Variants in GALNT6 observed in about 807,000 individuals in gnomAD.
GALNT6 encodes the protein GalNAc transferase 6.
In GALNT6, 51 loss-of-function variants were observed where a neutral mutation model predicts 65.9. That is an observed-to-expected ratio of 0.77 (90% CI 0.62 to 0.98). The LOEUF is 0.98. GALNT6 is among the 50% of genes least tolerant of loss of function. The pLI, the probability that GALNT6 is intolerant of heterozygous loss-of-function variation, is 0.00. For missense variants in GALNT6, 708 were observed against 803.3 expected (o/e 0.88, Z 1.43); for synonymous variants, 323 against 315.1 (o/e 1.02, Z -0.26).
At chr12:51,372,741 T>A (rs1216662366) in intron 4 of GALNT6, among the ~76,000 whole-genome samples, 1 of 152,244 alleles carries the variant, frequency 6.6e-6, no homozygotes, top group Admixed American at 6.5e-5. Flanking sequence ...TTATGTCACT[T>A]GTCTAGCTAG....
chr12:51,386,498 C>T (rs1186706496), intron 2 of GALNT6, among the ~76,000 whole-genome samples: 5 of 152,220 alleles, frequency 3.3e-5, no homozygotes, highest in Non-Finnish European at 7.3e-5. Flanking sequence ...AGAACATGCC[C>T]TAGCTTTCCA....
rs372949504 is a variant in GALNT6 at position 51,364,192 on chromosome 12, G to A, written c.978C>T (p.Ser326=). 1 of 1,614,158 alleles carries A rather than the reference G, an allele frequency of 6.2e-7. No homozygotes were observed. The highest frequency in any genetic ancestry group is 8.5e-7 in the Non-Finnish European group (1 of 1,180,018). The change falls in exon 6 of 12, where the codon AGC becomes AGT. Residue 326 remains serine (S), a synonymous_variant. Coordinates refer to ENST00000356317, the MANE Select transcript of GALNT6 (RefSeq NM_007210.4). ...RVHSRGNFDW[S]LTFGWETLPP... ...GAAGTGTTTCCCAGCCGAAGGTCAG[G>A]CTCCAGTCAAAGTTGCCTCGGCTAT...
chr12:51,384,026 C>T (rs1178142255), intron 2 of GALNT6, among the ~76,000 whole-genome samples: 2 of 152,194 alleles, frequency 1.3e-5, no homozygotes, highest in African/African-American at 2.4e-5. Context: ...TGGGCTCCCA[C>T]ACCTGGCCTC....
intron 2 of GALNT6, among the ~76,000 whole-genome samples, chr12:51,388,706 T>A (rs930916327): frequency 3.3e-5 from 5 of 152,168 alleles, no homozygotes; most frequent in African/African-American, 1.2e-4. Context: ...TCCTTCTCCT[T>A]CCCAATCCTT....
Position 51,379,526 on chromosome 12 carries a change from T to A in GALNT6, c.256A>T (p.Asn86Tyr). ...PEAQQTLFSINQSCLPGFYTP... is the reference protein window; with the variant it reads ...PEAQQTLFSIYQSCLPGFYTP... ...TAGAACCCAGGGAGGCAGGACTGGT[T>A]TATGGAGAACAGAGTCTGCTGGGCT... The change falls in exon 3 of 12, where the codon AAC becomes TAC. Residue 86 changes from asparagine (N) to tyrosine (Y), a missense_variant. By Grantham distance (143) the Asn-to-Tyr change is moderately radical (BLOSUM62 -2). Transcript: ENST00000356317. 6.2e-7 allele frequency: 1 copy of A among 1,614,128 alleles called. No homozygotes were observed.
intron 2 of GALNT6, among the ~76,000 whole-genome samples, chr12:51,390,044 G>T (rs1003391295): frequency 3.3e-5 from 5 of 151,992 alleles, no homozygotes; most frequent in Non-Finnish European, 5.9e-5. Flanking sequence ...TTACCTCTGG[G>T]TTCCTAAAGT....
At chr12:51,381,640 G>A (rs1487792526) in intron 2 of GALNT6, among the ~76,000 whole-genome samples, 1 of 152,214 alleles carries the variant, frequency 6.6e-6, no homozygotes, top group Non-Finnish European at 1.5e-5. Flanking sequence ...TAGCAGCTGT[G>A]TGACCCTTGG....
At chr12:51,379,942 G>A (rs999869214) in intron 2 of GALNT6, 58 bp from the exon 3 acceptor site, 57 of 719,650 alleles carry the variant, frequency 7.9e-5, no homozygotes, top group Admixed American at 1.5e-4. Context: ...GGAGGGAGTC[G>A]GGTGCTTGGG....
rs778385061 is a variant in GALNT6 at position 51,355,795 on chromosome 12, C to T, written c.1755+11G>A. ...AGTTCTTGATTCTGAGCTTTCTGGA[C>T]ACTGACTCACCTGGGCCAATTCCCA... On this transcript the variant is annotated intron_variant, in intron 11 of 11. Transcript: ENST00000356317. The T allele has an allele frequency of 6.2e-7, 1 of 1,611,168 alleles. No individual in the cohort carries two copies. The highest frequency in any genetic ancestry group is 8.5e-7 in the Non-Finnish European group (1 of 1,178,722).
chr12:51,357,511 T>C (rs1946787313), intron 9 of GALNT6, 61 bp from the exon 10 acceptor site: 1 of 1,285,482 alleles, frequency 7.8e-7, no homozygotes, highest in Non-Finnish European at 1.1e-6. Context: ...TCCTCATGTG[T>C]GGTATGGGGC....
At chr12:51,375,683 G>A (rs895368929) in intron 4 of GALNT6, among the ~76,000 whole-genome samples, 3 of 151,326 alleles carry the variant, frequency 2.0e-5, no homozygotes, top group Non-Finnish European at 2.9e-5. Context: ...TCAGCCTCCC[G>A]AGTAGTTGGG....
At position 51,359,276 on chromosome 12, in the gene GALNT6, C is replaced by G; in HGVS notation, c.1224G>C (p.Val408=). 1 of 1,614,120 alleles carries G rather than the reference C, an allele frequency of 6.2e-7. No homozygotes were observed. The highest frequency in any genetic ancestry group is 8.5e-7 in the Non-Finnish European group (1 of 1,179,998). Reference sequence around the variant, plus strand: ...AGGTGTGGGGGCTCTTGGTCCGGAACACATGGCCTACGACAGAGCAGGGGA... The same window carrying G: ...AGGTGTGGGGGCTCTTGGTCCGGAAGACATGGCCTACGACAGAGCAGGGGA... ...EIIPCSVVGH[V]FRTKSPHTFP... The change falls in exon 8 of 12, where the codon GTG becomes GTC. Residue 408 remains valine (V), a synonymous_variant. Coordinates refer to ENST00000356317, the MANE Select transcript of GALNT6 (RefSeq NM_007210.4).
intron 4 of GALNT6, among the ~76,000 whole-genome samples, chr12:51,372,902 A>C (rs1947334893): frequency 6.6e-6 from 1 of 152,238 alleles, no homozygotes; most frequent in Non-Finnish European, 1.5e-5. Flanking sequence ...AGTCAAAGGA[A>C]ATCACTTTGG....
intron 4 of GALNT6, among the ~76,000 whole-genome samples, chr12:51,373,027 A>G (rs561183862): frequency 3.2e-4 from 48 of 152,022 alleles, no homozygotes; most frequent in Non-Finnish European, 5.1e-4. Context: ...CAATGCCTAT[A>G]CCTCCATTGT....
rs576376160 is a variant in GALNT6 at position 51,388,691 on chromosome 12, C to T, written c.-104+2159G>A. Among the ~76,000 whole-genome samples the T allele has an allele frequency of 1.1e-3, 163 of 152,308 alleles. 2 individuals carry two copies. The South Asian group carries it at 0.033, about 31-fold the overall frequency. ...GCCTAGACGGTAGACCACCTAGATC[C>T]TATTTCCTTCTCCTTCCCAATCCTT... On this transcript the variant is annotated intron_variant, in intron 2 of 11. Transcript: ENST00000356317.
At chr12:51,368,609 T>C (rs1947188398) in intron 4 of GALNT6, among the ~76,000 whole-genome samples, 1 of 152,122 alleles carries the variant, frequency 6.6e-6, no homozygotes, top group Non-Finnish European at 1.5e-5. Flanking sequence ...CTTCACCATG[T>C]TGGCCAGGCT....
In GALNT6 at chr12:51,365,454, C is replaced by T; in HGVS notation, c.790G>A (p.Val264Met). The change falls in exon 5 of 12, where the codon GTG becomes ATG. Residue 264 changes from valine (V) to methionine (M), a missense_variant. Coordinates refer to ENST00000356317, the MANE Select transcript of GALNT6 (RefSeq NM_007210.4). The part of the protein sequence containing the change: ...LLGASVAQAE[V>M]LTFLDAHCEC... ...CAGTGGGCATCCAGGAACGTGAGCA[C>T]CTCCGCCTGTGCCACGCTGGCCCCC... The T allele has an allele frequency of 1.9e-6, 3 of 1,611,644 alleles. No individual in the cohort carries two copies. The highest frequency in any genetic ancestry group is 2.5e-6 in the Non-Finnish European group (3 of 1,179,696).
chr12:51,357,072 C>T (rs1333340725), intron 10 of GALNT6, among the ~76,000 whole-genome samples: 1 of 152,194 alleles, frequency 6.6e-6, no homozygotes, highest in Non-Finnish European at 1.5e-5. Flanking sequence ...TTTCCACCCT[C>T]ACCCCTAAAT....
At chr12:51,367,401 C>G (rs1947143435) in intron 4 of GALNT6, among the ~76,000 whole-genome samples, 1 of 152,222 alleles carries the variant, frequency 6.6e-6, no homozygotes, top group African/African-American at 2.4e-5. Context: ...TGCCACTGCA[C>G]TCCAACCTGA....
Sources: allele counts gnomAD v4.1 joint callset (sites outside exome capture counted in the v4.1 genomes callset), GRCh38; gene constraint gnomAD v4.1.1; transcripts MANE v1.5; gene names NCBI Gene and HGNC (gene_info 2026-07-23, HGNC 2026-07-21).